FCN2: variants seen among roughly 807,000 people sequenced by gnomAD.
FCN2 encodes ficolin-2.
Under a neutral mutation model 32.5 loss-of-function variants are expected in FCN2, and 31 were observed. That is an observed-to-expected ratio of 0.96 (90% CI 0.72 to 1.29). The LOEUF is 1.29. Ranked by LOEUF, FCN2 falls within the 50% of genes most tolerant of loss-of-function variation. FCN2 has a pLI of 0.00. For missense variants in FCN2, 412 were observed against 406.5 expected (o/e 1.01, Z -0.12); for synonymous variants, 181 against 164.5 (o/e 1.10, Z -0.77).
the FCN2 span, among the ~76,000 whole-genome samples, chr9:134,868,864 T>C: frequency 6.6e-6 from 1 of 152,118 alleles, no homozygotes; most frequent in African/African-American, 2.4e-5. This position sits in a 1 kb window ranked among gnomAD's most constrained non-coding sequence, Gnocchi z 4.3. Flanking sequence ...GCTGAGGGAG[T>C]TCCCCACTGG....
chr9:134,887,313 C>G lies in FCN2; in HGVS notation c.840C>G (p.Leu280=). The G allele has an allele frequency of 6.2e-7, 1 of 1,614,128 alleles. No individual in the cohort carries two copies. The highest frequency in any genetic ancestry group is 1.1e-5 in the South Asian group (1 of 91,080). The change falls in exon 8 of 8, where the codon CTC becomes CTG. Residue 280 remains leucine (L), a synonymous_variant. Coordinates refer to ENST00000291744, the MANE Select transcript of FCN2 (RefSeq NM_004108.3). ...CHVSNLNGRY[L]RGTHGSFANG... is the part of the protein sequence containing the mutation. ...TGTCAAACCTGAATGGTCGCTACCTCAGGGGGACTCATGGCAGCTTTGCAA... is the reference window on the plus strand; with the variant it reads ...TGTCAAACCTGAATGGTCGCTACCTGAGGGGGACTCATGGCAGCTTTGCAA...
At chr9:134,866,930 C>G in the FCN2 span, among the ~76,000 whole-genome samples, 1 of 131,214 alleles carries the variant, frequency 7.6e-6, no homozygotes, top group African/African-American at 3.1e-5. Flanking sequence ...CAAATCAAAA[C>G]CACAATGAGA....
the FCN2 span, among the ~76,000 whole-genome samples, chr9:134,872,026 T>G: frequency 1.3e-5 from 2 of 150,794 alleles, no homozygotes. Flanking sequence ...TTTTTACGAG[T>G]GAAATCACAT....
At chr9:134,870,124 A>G in the FCN2 span, among the ~76,000 whole-genome samples, 1 of 152,134 alleles carries the variant, frequency 6.6e-6, no homozygotes, top group African/African-American at 2.4e-5. This position sits in a 1 kb window ranked among gnomAD's most constrained non-coding sequence, Gnocchi z 4.3. Flanking sequence ...TGAAGGAGTT[A>G]ATGTGGAGGT....
chr9:134,880,118 C>T (rs1239389865), upstream of FCN2, among the ~76,000 whole-genome samples: 1 of 152,154 alleles, frequency 6.6e-6, no homozygotes, highest in East Asian at 1.9e-4. Flanking sequence ...ATCCTCCCTA[C>T]AGGCTAAGCC....
the FCN2 span, among the ~76,000 whole-genome samples, chr9:134,874,606 T>C: frequency 2.0e-5 from 3 of 152,254 alleles, no homozygotes; most frequent in Non-Finnish European, 4.4e-5. Flanking sequence ...ATTTTCTTGA[T>C]AGTGATGCTT....
upstream of FCN2, among the ~76,000 whole-genome samples, chr9:134,880,613 C>T (rs1041994195): frequency 1.3e-5 from 2 of 152,124 alleles, no homozygotes; most frequent in Admixed American, 1.3e-4. Context: ...AGACCGTCCC[C>T]CTGCAGGGAT....
At chr9:134,876,793 G>T (rs3128630), upstream of FCN2, among the ~76,000 whole-genome samples, 50,634 of 152,010 alleles carry the variant, frequency 0.33, 9,127 homozygotes, top group East Asian at 0.58. Context: ...GGCCAGGCTG[G>T]TCTCGAACTG....
At chr9:134,868,479 G>T in the FCN2 span, 1 of 168,600 alleles carries the variant, frequency 5.9e-6, no homozygotes, top group South Asian at 1.6e-4. This position sits in a 1 kb window ranked among gnomAD's most constrained non-coding sequence, Gnocchi z 4.3. Context: ...CACCTAGCCC[G>T]GCGCTGAGGT....
chr9:134,868,026 G>C, the FCN2 span, among the ~76,000 whole-genome samples: 1 of 152,202 alleles, frequency 6.6e-6, no homozygotes, highest in African/African-American at 2.4e-5. The surrounding 1 kb of genome is among the most constrained non-coding windows in gnomAD (Gnocchi z 4.3). Context: ...GCTCAGAGGA[G>C]TTAAGTGATC....
At chr9:134,885,919 G>A in intron 6 of FCN2, 22 bp downstream of exon 6, 1 of 1,597,158 alleles carries the variant, frequency 6.3e-7, no homozygotes, top group Non-Finnish European at 8.5e-7. Flanking sequence ...GCTGGGGCTT[G>A]GGGGTCGGGG....
At chr9:134,872,317 T>TA in the FCN2 span, among the ~76,000 whole-genome samples, 5 of 152,256 alleles carry the variant, frequency 3.3e-5, no homozygotes, top group Admixed American at 6.5e-5. Context: ...CACAGCTATG[T>TA]ATCCATTCAG....
chr9:134,882,180 G>C (rs1200762853), intron 1 of FCN2, among the ~76,000 whole-genome samples: 1 of 152,230 alleles, frequency 6.6e-6, no homozygotes, highest in East Asian at 1.9e-4. Context: ...GTAGGTAAGG[G>C]AACAGAGGCT....
upstream of FCN2, among the ~76,000 whole-genome samples, chr9:134,877,683 A>G (rs1330771483): frequency 2.0e-5 from 3 of 152,144 alleles, no homozygotes; most frequent in East Asian, 5.8e-4. Flanking sequence ...GATGGTGGTC[A>G]TGTTAGAGAC....
At chr9:134,867,497 G>A in the FCN2 span, among the ~76,000 whole-genome samples, 2 of 113,612 alleles carry the variant, frequency 1.8e-5, no homozygotes, top group South Asian at 3.9e-4. Flanking sequence ...TGGTGGGGTG[G>A]GGGGAGGGGG....
chr9:134,883,273 C>T (rs1830692026), intron 2 of FCN2, 29 bp from the exon 3 acceptor site: 5 of 1,598,854 alleles, frequency 3.1e-6, no homozygotes, highest in Non-Finnish European at 4.3e-6. Context: ...GGGCAGTTTT[C>T]CTCAAGTCAG....
rs1166186653 is a variant in FCN2 at position 134,885,404 on chromosome 9, G to A, written c.429+38G>A. On this transcript the variant is annotated intron_variant, in intron 5 of 7. Transcript: ENST00000291744. Reference sequence around the variant, plus strand: ...CTGGGCAGAGGCGGTCAGCCTGGGAGTCCCGGAGGCCAGGCTGCACACCTG... The same window carrying A: ...CTGGGCAGAGGCGGTCAGCCTGGGAATCCCGGAGGCCAGGCTGCACACCTG... 30 of 1,605,680 alleles carry A rather than the reference G, an allele frequency of 1.9e-5. 1 individual carries two copies. In the Admixed American group the frequency reaches 4.9e-4, roughly 26 times the overall value.
At chr9:134,886,734 G>T (rs1413472199) in intron 7 of FCN2, among the ~76,000 whole-genome samples, 170 bp downstream of exon 7, 3 of 152,148 alleles carry the variant, frequency 2.0e-5, no homozygotes, top group Admixed American at 1.3e-4. Flanking sequence ...TAGCATGGGG[G>T]TCATGGGACA....
the FCN2 span, among the ~76,000 whole-genome samples, chr9:134,868,693 G>A: frequency 2.0e-5 from 3 of 152,190 alleles, no homozygotes; most frequent in Admixed American, 6.5e-5. The surrounding 1 kb of genome is among the most constrained non-coding windows in gnomAD (Gnocchi z 4.3). Context: ...AAGCCCCAGC[G>A]TGCCTCCCTC....
Sources: gnomAD v4.1 joint callset for allele counts (sites outside exome capture counted in the v4.1 genomes callset) on GRCh38, gnomAD v4.1.1 for gene constraint, Gnocchi (gnomAD v3.1) non-coding constraint, MANE v1.5 for transcripts, NCBI Gene and HGNC (gene_info 2026-07-23, HGNC 2026-07-21) for gene names.